The following SLC8A1 variants were observed in gnomAD, a reference collection of about 807,000 sequenced individuals.
SLC8A1 encodes the protein sodium/calcium exchanger 1.
Under a neutral mutation model 68.3 loss-of-function variants are expected in SLC8A1, and 18 were observed. The observed-to-expected ratio is 0.26, with a 90% confidence interval of 0.18 to 0.39. SLC8A1 has a LOEUF of 0.39. Ranked by LOEUF, SLC8A1 falls within the 10% of genes least tolerant of loss-of-function variation. SLC8A1 has a pLI of 1.00. For missense variants in SLC8A1, 985 were observed against 1,156.7 expected, an observed-to-expected ratio of 0.85 and a Z score of 2.15; for synonymous variants, 475 against 415.5, an observed-to-expected ratio of 1.14 and a Z score of -1.74.
chr2:40,113,860 G>A (rs1334999392), exon 8 of SLC8A1: 17 of 152,652 alleles, frequency 1.1e-4, no homozygotes, highest in Admixed American at 1.1e-3. Flanking sequence ...TGTTCCACAT[G>A]GCTAATTTTC....
rs549448122 is a variant in SLC8A1, at chr2:40,368,310, G to T, written c.1808+60163C>A. On this transcript the variant is annotated intron_variant, in intron 2 of 7. Coordinates refer to ENST00000406785, the Ensembl canonical transcript of SLC8A1. The stretch of plus-strand genomic sequence containing the variant: ...TAATATCATAAAAGATTTTCCCAAC[G>T]CTTTTGCAAAAATTAAATTTTTAAA... Among the ~76,000 whole-genome samples, 4 of 151,924 alleles carry T rather than the reference G, an allele frequency of 2.6e-5. No individual in the cohort carries two copies. The East Asian group carries it at 7.8e-4, about 29-fold the overall frequency.
At chr2:40,237,043 T>C (rs376824727) in intron 2 of SLC8A1, among the ~76,000 whole-genome samples, 21 of 146,656 alleles carry the variant, frequency 1.4e-4, no homozygotes, top group African/African-American at 4.0e-4. Context: ...ATTTTTTTTT[T>C]CCTTCATTTC....
intron 2 of SLC8A1, among the ~76,000 whole-genome samples, chr2:40,384,258 AAAAT>A (rs1427272262): frequency 2.6e-5 from 4 of 152,110 alleles, no homozygotes; most frequent in African/African-American, 7.2e-5. Context: ...CCCTGTCTCT[AAAAT>A]AAATAAATAA....
chr2:40,348,968 C>T (rs745799783), intron 2 of SLC8A1, among the ~76,000 whole-genome samples: 1 of 152,118 alleles, frequency 6.6e-6, no homozygotes, highest in Non-Finnish European at 1.5e-5. Flanking sequence ...TTCTTAATTT[C>T]GTGGTGCCAT....
At chr2:40,258,759 T>C (rs2064286854) in intron 2 of SLC8A1, among the ~76,000 whole-genome samples, 1 of 151,970 alleles carries the variant, frequency 6.6e-6, no homozygotes, top group Non-Finnish European at 1.5e-5. Flanking sequence ...GGAGAATCAC[T>C]TGAACCCTGG....
At chr2:40,171,015 C>T (rs1358269845) in intron 4 of SLC8A1, among the ~76,000 whole-genome samples, 2 of 152,168 alleles carry the variant, frequency 1.3e-5, no homozygotes, top group African/African-American at 4.8e-5. Context: ...TCTCATTGAA[C>T]TCCTGGTTCA....
Position 40,202,618 on chromosome 2 carries a change from C to T in SLC8A1, c.1809-24763G>A, listed in dbSNP as rs183990694. The stretch of plus-strand genomic sequence containing the variant: ...CTAAGCTAATAGCATTTCTCCCACT[C>T]TTAAAAGGCATATGCAGAAATCACC... On this transcript the variant is annotated intron_variant, in intron 2 of 7. Coordinates refer to ENST00000406785, the Ensembl canonical transcript of SLC8A1. 1.7e-4 allele frequency among the ~76,000 whole-genome samples: 26 copies of T among 152,066 alleles called. No homozygotes were observed. In the East Asian group the frequency reaches 4.9e-3, roughly 28 times the overall value.
intron 2 of SLC8A1, among the ~76,000 whole-genome samples, chr2:40,277,274 C>G (rs1431239131): frequency 2.6e-5 from 4 of 151,924 alleles, no homozygotes; most frequent in Non-Finnish European, 5.9e-5. Flanking sequence ...GGCACGGTAG[C>G]TCACGCCTAT....
intron 2 of SLC8A1, among the ~76,000 whole-genome samples, chr2:40,285,694 A>G (rs1022479854): frequency 3.3e-5 from 5 of 152,186 alleles, no homozygotes; most frequent in Non-Finnish European, 5.9e-5. Flanking sequence ...TTTTGCTCAT[A>G]TAAGGTAGGG....
At chr2:40,103,121 G>A (rs2033995025) in exon 8 of SLC8A1, 1 of 152,180 alleles carries the variant, frequency 6.6e-6, no homozygotes. Context: ...CTATGAAGCT[G>A]AAATAGTTTT....
chr2:40,109,741 T>C (rs959549884), exon 8 of SLC8A1: 1 of 152,140 alleles, frequency 6.6e-6, no homozygotes, highest in Non-Finnish European at 1.5e-5. Context: ...TAAGACTGTT[T>C]ATTCCCATGG....
chr2:40,253,307 C>T (rs1195932401), intron 2 of SLC8A1, among the ~76,000 whole-genome samples: 1 of 150,034 alleles, frequency 6.7e-6, no homozygotes, highest in Admixed American at 6.6e-5. Flanking sequence ...CACATATATA[C>T]ACATATATAC....
At chr2:40,305,240 A>C (rs909038836) in intron 2 of SLC8A1, among the ~76,000 whole-genome samples, 8 of 152,178 alleles carry the variant, frequency 5.3e-5, no homozygotes, top group African/African-American at 1.9e-4. Context: ...AAGGATGACC[A>C]TGACACAGTC....
At chr2:40,137,751 G>A (rs1040669524) in intron 7 of SLC8A1, among the ~76,000 whole-genome samples, 2 of 152,080 alleles carry the variant, frequency 1.3e-5, no homozygotes, top group African/African-American at 4.8e-5. Flanking sequence ...TCTTCTGTAA[G>A]GATCGATGGT....
At chr2:40,232,315 G>A (rs1482749959) in intron 2 of SLC8A1, among the ~76,000 whole-genome samples, 4 of 152,168 alleles carry the variant, frequency 2.6e-5, no homozygotes, top group Non-Finnish European at 5.9e-5. Context: ...GTCATCTTTT[G>A]GTTGGCACAT....
chr2:40,252,903 ATGTATATG>A (rs1234611356), intron 2 of SLC8A1, among the ~76,000 whole-genome samples: 1 of 137,798 alleles, frequency 7.3e-6, no homozygotes, highest in Non-Finnish European at 1.5e-5. Flanking sequence ...TTTTATATGT[ATGTATATG>A]TGTATATATA....
intron 2 of SLC8A1, chr2:40,213,392 C>G (rs2056946340): frequency 6.6e-6 from 1 of 152,176 alleles, no homozygotes. Context: ...ACCTGCTGAT[C>G]AATGCTGTTG....
At chr2:40,302,443 G>A in intron 2 of SLC8A1, among the ~76,000 whole-genome samples, 1 of 149,698 alleles carries the variant, frequency 6.7e-6, no homozygotes, top group Non-Finnish European at 1.5e-5. Flanking sequence ...TCCATTGTGT[G>A]TGTGTGTGTG....
At chr2:40,189,205 G>A (rs2051279128) in intron 2 of SLC8A1, among the ~76,000 whole-genome samples, 2 of 152,138 alleles carry the variant, frequency 1.3e-5, no homozygotes. Flanking sequence ...ATCATAAATT[G>A]CCAGAAGGAA....
Sources: allele counts gnomAD v4.1 joint callset (sites outside exome capture counted in the v4.1 genomes callset), GRCh38; gene constraint gnomAD v4.1.1; transcripts MANE v1.5; gene names NCBI Gene and HGNC (gene_info 2026-07-23, HGNC 2026-07-21).